Variants in KSR1 observed in about 807,000 individuals in gnomAD.
The protein encoded by KSR1 is kinase suppressor of ras 1.
A neutral mutation model predicts 92.9 loss-of-function variants in KSR1; 35 were observed. That is an observed-to-expected ratio of 0.38 (90% CI 0.29 to 0.50). The LOEUF (loss-of-function observed/expected upper bound fraction) is 0.50. Among genes scored for constraint, KSR1 ranks in the 20% least tolerant of loss-of-function variants. KSR1 has a pLI of 0.94. For synonymous variants in KSR1, 467 were observed against 472.6 expected, an observed-to-expected ratio of 0.99 and a Z score of 0.15; for missense variants, 972 against 1,158.5, an observed-to-expected ratio of 0.84 and a Z score of 2.34.
intron 18 of KSR1, among the ~76,000 whole-genome samples, chr17:27,613,425 A>T (rs1567891388): frequency 6.6e-6 from 1 of 152,204 alleles, no homozygotes. Context: ...AGCAAAAAAG[A>T]GGGGGTCCTC....
At chr17:27,537,866 C>T (rs535560005) in intron 1 of KSR1, among the ~76,000 whole-genome samples, 1 of 152,100 alleles carries the variant, frequency 6.6e-6, no homozygotes. Flanking sequence ...CAACGTGCAT[C>T]AAAAACCTAA....
At chr17:27,473,289 C>T (rs1327640367) in intron 1 of KSR1, among the ~76,000 whole-genome samples, 1 of 152,166 alleles carries the variant, frequency 6.6e-6, no homozygotes, top group Non-Finnish European at 1.5e-5. Flanking sequence ...AGAGATAATA[C>T]AAGGCTTTGG....
Position 27,577,638 on chromosome 17 carries a change from G to C in KSR1, c.519G>C (p.Leu173=). Residue 173 remains leucine (L), a splice_region_variant and synonymous_variant, in exon 3 of 21, where the codon CTG becomes CTC. Coordinates refer to ENST00000644974, the MANE Select transcript of KSR1 (RefSeq NM_001394583.1). This position sits in a 1 kb window ranked among gnomAD's most constrained non-coding sequence, Gnocchi z 4.5. The stretch of plus-strand genomic sequence containing the variant: ...CCTGCCTGCGGAAGGTGACAGGCCT[G>C]GGTACGTGGGGCCTGCCACCCTCTC... ...ALTCLRKVTG[L]GGEHKEDSSW... is the part of the protein sequence containing the mutation. 1.3e-6 allele frequency: 2 copies of C among 1,556,724 alleles called. No homozygotes were observed. Among genetic ancestry groups the C allele is most frequent in the Non-Finnish European group, 1.7e-6 (2 of 1,155,956 alleles).
intron 1 of KSR1, among the ~76,000 whole-genome samples, chr17:27,498,478 C>G (rs1485811193): frequency 1.3e-5 from 2 of 152,180 alleles, no homozygotes; most frequent in Non-Finnish European, 2.9e-5. Context: ...GGGAAAATCT[C>G]CTTTTCAAAT....
At chr17:27,469,987 A>C (rs1364994656) in intron 1 of KSR1, among the ~76,000 whole-genome samples, 1 of 136,508 alleles carries the variant, frequency 7.3e-6, no homozygotes, top group African/African-American at 2.8e-5. Context: ...AAGAGCATGG[A>C]GATGGAGTGT....
At chr17:27,609,994 G>C (rs1214513651) in intron 16 of KSR1, 73 bp from the exon 17 acceptor site, 1 of 1,585,640 alleles carries the variant, frequency 6.3e-7, no homozygotes, top group East Asian at 2.2e-5. Context: ...CCCTGGGGCA[G>C]ACCTGTGCCA....
intron 1 of KSR1, among the ~76,000 whole-genome samples, chr17:27,519,247 G>A (rs1351025658): frequency 6.6e-6 from 1 of 152,132 alleles, no homozygotes; most frequent in Non-Finnish European, 1.5e-5. Context: ...CAGAAATGAG[G>A]TTTTGTTTTG....
intron 1 of KSR1, among the ~76,000 whole-genome samples, chr17:27,540,747 G>T (rs575704275): frequency 1.3e-5 from 2 of 152,382 alleles, no homozygotes; most frequent in Admixed American, 6.5e-5. Flanking sequence ...GCTGGGCAGT[G>T]CTGGGAGCCA....
At chr17:27,608,526 G>A (rs2073826890) in intron 15 of KSR1, among the ~76,000 whole-genome samples, 1 of 152,204 alleles carries the variant, frequency 6.6e-6, no homozygotes, top group Non-Finnish European at 1.5e-5. Flanking sequence ...ATCAGTGTTA[G>A]TTCAAATAGA....
chr17:27,458,811 G>T (rs925401300), intron 1 of KSR1, among the ~76,000 whole-genome samples: 3 of 152,148 alleles, frequency 2.0e-5, no homozygotes, highest in Admixed American at 6.5e-5. Flanking sequence ...GAGTTCCATG[G>T]GGCTGCCACC....
Position 27,596,136 on chromosome 17 carries a change from A to G in KSR1, c.1300-1132A>G, listed in dbSNP as rs554318294. On this transcript the variant is annotated intron_variant, in intron 9 of 20. Coordinates refer to ENST00000644974, the MANE Select transcript of KSR1 (RefSeq NM_001394583.1). ...TAATTGGAAAAACCATGATCCCTAC[A>G]GATAGAAAGTAATCATTAAAACAAG... Among the ~76,000 whole-genome samples, 21 of 152,368 alleles carry G rather than the reference A, an allele frequency of 1.4e-4. No individual in the cohort carries two copies. The East Asian group carries it at 4.0e-3, about 29-fold the overall frequency.
Position 27,607,945 on chromosome 17 carries a change from G to C in KSR1, c.2026G>C (p.Val676Leu). Reference protein sequence around the residue: ...FCKGRTLHSFVRDPKTSLDIN... With the variant: ...FCKGRTLHSFLRDPKTSLDIN... ...CAAGGGGCGGACGTTGCACTCGTTTGTGAGGGACCCCAAGACGTCTCTGGA... is the reference window on the plus strand; with the variant it reads ...CAAGGGGCGGACGTTGCACTCGTTTCTGAGGGACCCCAAGACGTCTCTGGA... Residue 676 changes from valine (V) to leucine (L), a missense_variant, in exon 15 of 21, where the codon GTG becomes CTG. Physicochemically the swap from Val to Leu is conservative, Grantham distance 32. Around this residue, in one of 5 missense-constraint regions of KSR1, gnomAD observed 260 missense variants for 375.2 expected, o/e 0.69. Coordinates refer to ENST00000644974, the MANE Select transcript of KSR1 (RefSeq NM_001394583.1). The C allele has an allele frequency of 6.2e-7, 1 of 1,610,458 alleles. No individual in the cohort carries two copies. Among genetic ancestry groups the C allele is most frequent in the South Asian group, 1.1e-5 (1 of 90,154 alleles).
At chr17:27,608,063 T>C in intron 15 of KSR1, 53 bp downstream of exon 15, 4 of 1,334,110 alleles carry the variant, frequency 3.0e-6, no homozygotes, top group Non-Finnish European at 4.2e-6. Flanking sequence ...TCCAGGGCTC[T>C]CGGCTGTTCC....
rs1024377901 is a variant in KSR1, at chr17:27,559,744, C to T, written c.372+9036C>T. Among the ~76,000 whole-genome samples, 4 of 152,142 alleles carry T rather than the reference C, an allele frequency of 2.6e-5. No individual in the cohort carries two copies. The highest frequency in any genetic ancestry group is 4.4e-5 in the Non-Finnish European group (3 of 68,020). ...GGGTAGTCAGGGAAAGACGGATGTC[C>T]GGGAAGGCAAGAGCACACCAGGCGG... On this transcript the variant is annotated intron_variant, in intron 2 of 20. Coordinates refer to ENST00000644974, the MANE Select transcript of KSR1 (RefSeq NM_001394583.1). This position sits in a 1 kb window ranked among gnomAD's most constrained non-coding sequence, Gnocchi z 4.2.
intron 14 of KSR1, 89 bp from the exon 15 acceptor site, chr17:27,607,825 G>A (rs980799771): frequency 1.9e-5 from 18 of 926,472 alleles, no homozygotes; most frequent in East Asian, 5.3e-5. Flanking sequence ...GCAGGCAGAC[G>A]GGCACAGTTC....
rs1390005518 is a variant in KSR1 at position 27,610,083 on chromosome 17, A to C, written c.2242A>C (p.Lys748Gln). Residue 748 changes from lysine (K) to glutamine (Q), a missense_variant, in exon 17 of 21, where the codon AAG (lysine) becomes CAG (glutamine). Physicochemically the swap from Lys to Gln is moderately conservative, Grantham distance 53. This residue lies in a region of KSR1 where 260 missense variants were observed against 375.2 expected (regional missense o/e 0.69). Coordinates refer to ENST00000644974, the MANE Select transcript of KSR1 (RefSeq NM_001394583.1). ...VREGRRENQLKLSHDWLCYLA... is the reference protein window; with the variant it reads ...VREGRRENQLQLSHDWLCYLA... ...GGTCTCCAGGCGTGAGAACCAGCTA[A>C]AGCTGTCCCACGACTGGCTGTGCTA... 6.2e-7 allele frequency: 1 copy of C among 1,613,932 alleles called. No individual in the cohort carries two copies. The highest frequency in any genetic ancestry group is 1.7e-5 in the Admixed American group (1 of 60,020).
chr17:27,583,799 T>TTCTA (rs1273265849), intron 4 of KSR1, among the ~76,000 whole-genome samples: 7 of 152,248 alleles, frequency 4.6e-5, no homozygotes, highest in Admixed American at 4.6e-4. Context: ...TTACAAATTT[T>TTCTA]TCTATCTATA....
chr17:27,620,768 G>A (rs984910989), intron 19 of KSR1, among the ~76,000 whole-genome samples: 8 of 152,282 alleles, frequency 5.3e-5, no homozygotes, highest in South Asian at 4.2e-4. Flanking sequence ...TCTCCGTGAC[G>A]AAAGAAAAGG....
intron 1 of KSR1, among the ~76,000 whole-genome samples, chr17:27,505,888 T>C (rs1012337111): frequency 1.1e-4 from 16 of 152,192 alleles, no homozygotes; most frequent in Non-Finnish European, 1.5e-5. Context: ...GTGGTTCTAG[T>C]CTCAGCCCAC....
Sources: allele counts gnomAD v4.1 joint callset (sites outside exome capture counted in the v4.1 genomes callset), GRCh38; gene constraint gnomAD v4.1.1; regional missense constraint gnomAD v4.1.1; non-coding constraint Gnocchi (gnomAD v3.1); transcripts MANE v1.5; gene names NCBI Gene and HGNC (gene_info 2026-07-23, HGNC 2026-07-21).